The following PMFBP1 variants were observed in gnomAD, a reference collection of about 807,000 sequenced individuals.
PMFBP1 encodes the protein polyamine modulated factor 1 binding protein 1.
In PMFBP1, 131 loss-of-function variants were observed where a neutral mutation model predicts 137.8. The ratio of observed to expected loss-of-function variants is 0.95; its 90% CI spans 0.82 to 1.10. The LOEUF (loss-of-function observed/expected upper bound fraction) is 1.10. PMFBP1 is among the 50% of genes least tolerant of loss of function. The pLI is 0.00. For missense variants in PMFBP1, 1,199 were observed against 1,175.4 expected (o/e 1.02, Z -0.29); for synonymous variants, 490 against 450.4 (o/e 1.09, Z -1.11).
the PMFBP1 span, among the ~76,000 whole-genome samples, chr16:72,210,245 A>C: frequency 6.6e-6 from 1 of 152,192 alleles, no homozygotes; most frequent in African/African-American, 2.4e-5. Flanking sequence ...TGTTTGATAA[A>C]GGAGAAAGGA....
the PMFBP1 span, among the ~76,000 whole-genome samples, chr16:72,188,517 G>A: frequency 6.6e-6 from 1 of 152,154 alleles, no homozygotes; most frequent in African/African-American, 2.4e-5. Context: ...GTTGACTTGT[G>A]GTTTTCATGT....
the PMFBP1 span, among the ~76,000 whole-genome samples, chr16:72,189,747 T>A: frequency 6.6e-6 from 1 of 152,142 alleles, no homozygotes; most frequent in African/African-American, 2.4e-5. Context: ...AAAGACAGAG[T>A]TTAATTAATG....
chr16:72,218,337 T>A, the PMFBP1 span, among the ~76,000 whole-genome samples: 2 of 150,370 alleles, frequency 1.3e-5, no homozygotes, highest in Non-Finnish European at 3.0e-5. Context: ...ATACTTAAAC[T>A]TTTTTTTTTC....
intron 2 of PMFBP1, among the ~76,000 whole-genome samples, chr16:72,167,848 C>T (rs984703641): frequency 1.3e-5 from 2 of 152,224 alleles, no homozygotes; most frequent in South Asian, 4.1e-4. Flanking sequence ...GACCAGCACA[C>T]TGAGGGCTCA....
chr16:72,183,039 C>A, the PMFBP1 span, among the ~76,000 whole-genome samples: 5,867 of 152,224 alleles, frequency 0.039, 342 homozygotes, highest in African/African-American at 0.13. Flanking sequence ...TCTCCACTCC[C>A]CATTTCAGGT....
At chr16:72,205,041 G>A in the PMFBP1 span, among the ~76,000 whole-genome samples, 1 of 152,192 alleles carries the variant, frequency 6.6e-6, no homozygotes, top group Non-Finnish European at 1.5e-5. Context: ...TACTCATTCT[G>A]CCATGGACAG....
At chr16:72,148,142 C>T (rs1033899112) in intron 5 of PMFBP1, among the ~76,000 whole-genome samples, 2 of 151,842 alleles carry the variant, frequency 1.3e-5, no homozygotes, top group Admixed American at 1.3e-4. Context: ...CAGTGTAGGC[C>T]GGATAAAGAA....
chr16:72,158,641 G>C (rs1431832580), intron 3 of PMFBP1, among the ~76,000 whole-genome samples: 1 of 152,116 alleles, frequency 6.6e-6, no homozygotes, highest in Non-Finnish European at 1.5e-5. Flanking sequence ...TAATGCAAAG[G>C]AGTGAACATC....
chr16:72,209,270 G>A, the PMFBP1 span, among the ~76,000 whole-genome samples: 1 of 152,192 alleles, frequency 6.6e-6, no homozygotes, highest in Non-Finnish European at 1.5e-5. Flanking sequence ...TGATATGTAA[G>A]TTGCTGCCAA....
At chr16:72,135,345 T>TTGTGTG (rs200488023) in intron 9 of PMFBP1, among the ~76,000 whole-genome samples, 13 of 103,764 alleles carry the variant, frequency 1.3e-4, no homozygotes, top group South Asian at 5.9e-4. Flanking sequence ...CTGGCTAATT[T>TTGTGTG]TGTGTGTGTG....
At chr16:72,141,204 T>C (rs1309137039) in intron 5 of PMFBP1, among the ~76,000 whole-genome samples, 2 of 152,222 alleles carry the variant, frequency 1.3e-5, no homozygotes, top group Admixed American at 1.3e-4. Flanking sequence ...CCCAAAGTGC[T>C]GGGATTACAG....
chr16:72,140,896 T>C (rs1350478108), intron 5 of PMFBP1, among the ~76,000 whole-genome samples: 1 of 145,500 alleles, frequency 6.9e-6, no homozygotes, highest in Non-Finnish European at 1.5e-5. Flanking sequence ...CATATTTGCA[T>C]AAAAATCACT....
At chr16:72,118,203 A>G (rs1434391673), downstream of PMFBP1, among the ~76,000 whole-genome samples, 1 of 152,270 alleles carries the variant, frequency 6.6e-6, no homozygotes, top group Admixed American at 6.5e-5. Flanking sequence ...GCCACAGGCT[A>G]GATGAGTACT....
chr16:72,117,104 A>C (rs2042316127), downstream of PMFBP1, among the ~76,000 whole-genome samples: 1 of 151,084 alleles, frequency 6.6e-6, no homozygotes, highest in South Asian at 2.1e-4. Context: ...CTTTGTGTAT[A>C]CTGACATCTT....
the PMFBP1 span, among the ~76,000 whole-genome samples, chr16:72,185,541 T>C: frequency 6.6e-6 from 1 of 152,082 alleles, no homozygotes; most frequent in African/African-American, 2.4e-5. Context: ...CTTCTCTGAA[T>C]CCCCAAGCTT....
chr16:72,158,194 G>C (rs1304436433), intron 3 of PMFBP1, among the ~76,000 whole-genome samples: 2 of 152,144 alleles, frequency 1.3e-5, no homozygotes, highest in African/African-American at 2.4e-5. Context: ...ATTGAGAAGA[G>C]AGACAGAGAA....
At chr16:72,215,226 T>C in the PMFBP1 span, among the ~76,000 whole-genome samples, 4 of 151,918 alleles carry the variant, frequency 2.6e-5, no homozygotes, top group Admixed American at 6.6e-5. Flanking sequence ...GTTCCAAAAT[T>C]GAAGGAGGAC....
At chr16:72,220,182 T>C in the PMFBP1 span, among the ~76,000 whole-genome samples, 2 of 152,220 alleles carry the variant, frequency 1.3e-5, no homozygotes, top group African/African-American at 2.4e-5. Flanking sequence ...CCTCAGGTTA[T>C]TCCAAAGAAA....
rs368715550 is a variant in PMFBP1, at chr16:72,143,344, G to C, written c.637-2762C>G. On this transcript the variant is annotated intron_variant, in intron 5 of 20. Coordinates refer to ENST00000237353, the MANE Select transcript of PMFBP1 (RefSeq NM_031293.3). ...ATGGAAAATAAGTTGTGTAAATTTT[G>C]AAAGGGAAAGCAATTTAGGAAAATC... is the stretch of plus-strand genomic sequence containing the variant. Among the ~76,000 whole-genome samples the C allele has an allele frequency of 2.1e-4, 32 of 152,224 alleles. 2 individuals carry two copies. Among genetic ancestry groups the C allele is most frequent in the East Asian group, 9.6e-4 (5 of 5,202 alleles).
Sources: gnomAD v4.1 joint callset for allele counts (sites outside exome capture counted in the v4.1 genomes callset) on GRCh38, gnomAD v4.1.1 for gene constraint, MANE v1.5 for transcripts, NCBI Gene and HGNC (gene_info 2026-07-23, HGNC 2026-07-21) for gene names.